DSE: variants seen among roughly 807,000 people sequenced by gnomAD.
DSE encodes dermatan-sulfate epimerase.
In DSE, 36 loss-of-function variants were observed where a neutral mutation model predicts 84.4. That is an observed-to-expected ratio of 0.43 (90% CI 0.33 to 0.56). DSE has a LOEUF of 0.56. DSE is among the 20% of genes least tolerant of loss of function. The pLI is 0.06. For synonymous variants in DSE, 410 were observed against 430.1 expected (o/e 0.95, Z 0.58); for missense variants, 862 against 1,169.6 (o/e 0.74, Z 3.84).
Position 116,279,384 on chromosome 6 carries a change from C to G in DSE, c.-54+20417C>G, listed in dbSNP as rs772773051. On this transcript the variant is annotated intron_variant, in intron 2 of 3. Coordinates refer to the DSE transcript ENST00000430252. ...CTGTCTTCACCTCCTCCGCCTCAGC[C>G]TCCGCCCCCGCCGTCAGCTCAGACG... 18 of 1,612,908 alleles carry G rather than the reference C, an allele frequency of 1.1e-5. No homozygotes were observed. The Admixed American group carries it at 3.0e-4, about 27-fold the overall frequency.
rs879396418 is a variant in DSE, at chr6:116,442,799, A to G, written c.*5454A>G. On this transcript the variant is annotated 3_prime_UTR_variant, in exon 6 of 6. Coordinates refer to ENST00000644252, the MANE Select transcript of DSE (RefSeq NM_013352.4). ...ACATAACACCCATCACTCAACAAGC[A>G]TGGCAGCGATTTTCATGGGATAGGA... 6.6e-6 allele frequency: 1 copy of G among 152,244 alleles called. No individual in the cohort carries two copies. Among genetic ancestry groups the G allele is most frequent in the African/African-American group, 2.4e-5 (1 of 41,458 alleles). The allele number at this position is 152,244 out of a possible 1,614,324, so 9.4% of individuals were successfully genotyped here.
At chr6:116,355,310 T>A (rs2114862682) in intron 2 of DSE, among the ~76,000 whole-genome samples, 1 of 152,378 alleles carries the variant, frequency 6.6e-6, no homozygotes, top group East Asian at 1.9e-4. Flanking sequence ...AATTTCTGTG[T>A]ACCTTCCTCA....
At chr6:116,350,055 C>T (rs1245468563) in intron 2 of DSE, among the ~76,000 whole-genome samples, 1 of 152,222 alleles carries the variant, frequency 6.6e-6, no homozygotes, top group Non-Finnish European at 1.5e-5. Context: ...AAATGTACTA[C>T]TCCCTTTTAT....
At chr6:116,416,514 G>A (rs377398597) in intron 2 of DSE, among the ~76,000 whole-genome samples, 4 of 151,954 alleles carry the variant, frequency 2.6e-5, no homozygotes, top group Non-Finnish European at 4.4e-5. Context: ...GTCCTCCGGA[G>A]TCATGTTATA....
At chr6:116,375,550 A>G (rs938694254) in intron 1 of DSE, 4 of 985,136 alleles carry the variant, frequency 4.1e-6, no homozygotes, top group African/African-American at 1.7e-5. Context: ...CCAAATTTCT[A>G]TCATCTCACT....
At chr6:116,316,832 T>C (rs1322934895) in intron 2 of DSE, among the ~76,000 whole-genome samples, 1 of 150,120 alleles carries the variant, frequency 6.7e-6, no homozygotes, top group African/African-American at 2.4e-5. Flanking sequence ...ACTACTATTA[T>C]TATTATTATT....
chr6:116,371,279 C>T (rs931694180), intron 1 of DSE, among the ~76,000 whole-genome samples, 158 bp downstream of exon 1: 11 of 152,196 alleles, frequency 7.2e-5, no homozygotes, highest in Non-Finnish European at 1.0e-4. Context: ...CGCGCCCGGG[C>T]CCGGCTCGGC....
intron 2 of DSE, chr6:116,279,362 T>C (rs780477086): frequency 5.6e-6 from 9 of 1,611,952 alleles, no homozygotes; most frequent in Non-Finnish European, 7.6e-6. Context: ...CACTTTCCTG[T>C]CTTCACCTCC....
rs1010416041 is a variant in DSE at position 116,384,768 on chromosome 6, G to A, written c.-54+13647G>A. Among the ~76,000 whole-genome samples, 23 of 152,152 alleles carry A rather than the reference G, an allele frequency of 1.5e-4. 1 individual carries two copies. The highest frequency in any genetic ancestry group is 1.4e-3 in the Admixed American group (21 of 15,274). Reference sequence around the variant, plus strand: ...TATATTTTTTAAGTGTTTACTAAGTGCTAGGTACACTTTTATGTGCTGGAG... The same window carrying A: ...TATATTTTTTAAGTGTTTACTAAGTACTAGGTACACTTTTATGTGCTGGAG... On this transcript the variant is annotated intron_variant, in intron 1 of 5. Coordinates refer to ENST00000644252, the MANE Select transcript of DSE (RefSeq NM_013352.4).
At position 116,436,638 on chromosome 6, in the gene DSE, A is replaced by T. The variant is rs1379546716; in HGVS notation, c.2170A>T (p.Asn724Tyr). ...TCGTCACAAAATTCTGTTTGACCGG[A>T]ATTCAGCCATCAAGAGCAGCATTGT... Reference protein sequence around the residue: ...ADRHKILFDRNSAIKSSIVPE... With the variant: ...ADRHKILFDRYSAIKSSIVPE... The change falls in exon 6 of 6, where the codon AAT becomes TAT. Residue 724 changes from asparagine (N) to tyrosine (Y), a missense_variant. By Grantham distance (143) the Asn-to-Tyr change is moderately radical (BLOSUM62 -2). Coordinates refer to ENST00000644252, the MANE Select transcript of DSE (RefSeq NM_013352.4). 6.2e-7 allele frequency: 1 copy of T among 1,614,136 alleles called. No homozygotes were observed. The highest frequency in any genetic ancestry group is 8.5e-7 in the Non-Finnish European group (1 of 1,180,022).
intron 2 of DSE, among the ~76,000 whole-genome samples, chr6:116,306,953 C>CA (rs1446301465): frequency 6.6e-6 from 1 of 152,172 alleles, no homozygotes; most frequent in Non-Finnish European, 1.5e-5. Flanking sequence ...TGAGAAAATA[C>CA]AAAAAACATT....
intron 2 of DSE, among the ~76,000 whole-genome samples, chr6:116,299,426 G>A (rs1232658096): frequency 6.7e-6 from 1 of 149,812 alleles, no homozygotes; most frequent in East Asian, 1.9e-4. Context: ...AAAGCTATAA[G>A]GGAAGAAAGT....
At chr6:116,315,227 G>C (rs536096414) in intron 2 of DSE, among the ~76,000 whole-genome samples, 2 of 152,038 alleles carry the variant, frequency 1.3e-5, no homozygotes, top group South Asian at 4.2e-4. Flanking sequence ...TGTAAAATTT[G>C]TTAAATCTTC....
At chr6:116,344,369 A>G (rs1336407529) in intron 2 of DSE, among the ~76,000 whole-genome samples, 1 of 152,232 alleles carries the variant, frequency 6.6e-6, no homozygotes, top group Non-Finnish European at 1.5e-5. Context: ...AAAAAATGTT[A>G]AGGGCAGCCA....
At chr6:116,429,170 A>T (rs1219533321) in intron 3 of DSE, among the ~76,000 whole-genome samples, 1 of 152,232 alleles carries the variant, frequency 6.6e-6, no homozygotes, top group Non-Finnish European at 1.5e-5. Context: ...ATTGAAAACT[A>T]TCCAGAATAT....
intron 2 of DSE, chr6:116,259,351 G>A (rs1186203813): frequency 4.7e-6 from 2 of 425,410 alleles, no homozygotes; most frequent in East Asian, 4.7e-5. Flanking sequence ...GATGCAACTC[G>A]ATATAGGTGT....
chr6:116,415,652 T>C (rs1314751125), intron 2 of DSE, among the ~76,000 whole-genome samples: 2 of 151,912 alleles, frequency 1.3e-5, no homozygotes, highest in African/African-American at 2.4e-5. Context: ...TTTTTTTGCA[T>C]TTTCAAGGTT....
intron 2 of DSE, among the ~76,000 whole-genome samples, chr6:116,332,700 C>T (rs1471985684): frequency 6.6e-6 from 1 of 152,026 alleles, no homozygotes. Context: ...AAGACTGATA[C>T]TTAGAGTTAA....
Position 116,438,207 on chromosome 6 carries a change from T to C in DSE, c.*862T>C, listed in dbSNP as rs188891875. On this transcript the variant is annotated 3_prime_UTR_variant, in exon 6 of 6. Coordinates refer to ENST00000644252, the MANE Select transcript of DSE (RefSeq NM_013352.4). ...GAAGATGGAGAGTCTAAAATTTGGA[T>C]ATGATTCTTATGTTTTTTTAATAGA... 79 of 152,704 alleles carry C rather than the reference T, an allele frequency of 5.2e-4. 1 individual carries two copies. Among genetic ancestry groups the C allele is most frequent in the African/African-American group, 1.9e-3 (78 of 41,574 alleles). 9.5% of individuals were successfully genotyped at this position (152,704 alleles called of 1,614,324 possible).
Sources: allele counts gnomAD v4.1 joint callset (sites outside exome capture counted in the v4.1 genomes callset), GRCh38; gene constraint gnomAD v4.1.1; transcripts MANE v1.5; gene names NCBI Gene and HGNC (gene_info 2026-07-23, HGNC 2026-07-21).